The following MYLK4 variants were observed in gnomAD, a reference collection of about 807,000 sequenced individuals.
MYLK4 encodes caMLCK like.
Under a neutral mutation model 48.1 loss-of-function variants are expected in MYLK4, and 46 were observed. The observed-to-expected ratio is 0.96, with a 90% CI of 0.75 to 1.22. The LOEUF is 1.22. Ranked by LOEUF, MYLK4 falls within the 50% of genes most tolerant of loss-of-function variation. The probability of loss-of-function intolerance (pLI) is 0.00; values close to 1 mark genes in which losing one functional copy is unlikely to be tolerated. For missense variants in MYLK4, 451 were observed against 486.1 expected (o/e 0.93, Z 0.68); for synonymous variants, 170 against 180.8 (o/e 0.94, Z 0.48).
intron 2 of MYLK4, among the ~76,000 whole-genome samples, chr6:2,747,468 C>T (rs1326473023): frequency 6.6e-6 from 1 of 152,106 alleles, no homozygotes; most frequent in Non-Finnish European, 1.5e-5. Flanking sequence ...GCCTCAGCCT[C>T]CCAAGTAGCT....
chr6:2,765,299 A>C, the MYLK4 span: 1 of 176,310 alleles, frequency 5.7e-6, no homozygotes. Context: ...CGCGCGAGGT[A>C]TTCTCGGCGG....
At chr6:2,715,453 A>T (rs1582086331) in intron 2 of MYLK4, among the ~76,000 whole-genome samples, 1 of 152,174 alleles carries the variant, frequency 6.6e-6, no homozygotes, top group East Asian at 1.9e-4. Context: ...AGCCAATTTC[A>T]TCTATGTTGC....
the MYLK4 span, chr6:2,766,075 C>T: frequency 3.6e-3 from 4,727 of 1,295,530 alleles, 152 homozygotes; most frequent in African/African-American, 0.065. Flanking sequence ...CGGCGGGGAG[C>T]GCGTCTCCGC....
the MYLK4 span, chr6:2,766,178 C>A: frequency 7.3e-7 from 1 of 1,370,960 alleles, no homozygotes; most frequent in South Asian, 1.8e-5. Flanking sequence ...CGAGGACGAC[C>A]CGGGGCACTG....
At chr6:2,734,365 C>T (rs930381477) in intron 2 of MYLK4, among the ~76,000 whole-genome samples, 13 of 152,190 alleles carry the variant, frequency 8.5e-5, no homozygotes, top group African/African-American at 3.1e-4. Context: ...GGAACTGAGA[C>T]CTGTCCTCCA....
intron 2 of MYLK4, chr6:2,744,286 G>A (rs1486778049): frequency 2.9e-6 from 1 of 339,716 alleles, no homozygotes; most frequent in Non-Finnish European, 5.3e-6. Flanking sequence ...TAGGGGCATT[G>A]GGAGACTGCT....
In MYLK4 at chr6:2,685,251, G is replaced by C. The variant is rs746224511; in HGVS notation, c.545+45C>G. 6 of 1,427,428 alleles carry C rather than the reference G, an allele frequency of 4.2e-6. No individual in the cohort carries two copies. The highest frequency in any genetic ancestry group is 2.4e-4 in the Middle Eastern group (1 of 4,236). The allele number at this position is 1,427,428 out of a possible 1,614,324, so 88.4% of individuals were successfully genotyped here. A position where few individuals can be genotyped will look rare whatever the true frequency, so the allele number is the denominator to read the frequency against. On this transcript the variant is annotated intron_variant, in intron 6 of 12. Transcript: ENST00000274643. The surrounding 1 kb of genome is among the most constrained non-coding windows in gnomAD (Gnocchi z 4.5). ...GCTACTGAGGCACGGTCACGGTCAT[G>C]AGTGCCCTTGGGGAGGTCAGGGAGG...
intron 7 of MYLK4, among the ~76,000 whole-genome samples, chr6:2,682,201 T>C (rs1258351204): frequency 1.3e-5 from 2 of 152,228 alleles, no homozygotes; most frequent in African/African-American, 2.4e-5. Context: ...GTATATTTTA[T>C]GTTACTGTCA....
chr6:2,680,805 C>T (rs1761271388), intron 7 of MYLK4, among the ~76,000 whole-genome samples: 1 of 152,200 alleles, frequency 6.6e-6, no homozygotes, highest in African/African-American at 2.4e-5. Context: ...GGGAAAGTCG[C>T]ACGGCAGAGG....
the MYLK4 span, among the ~76,000 whole-genome samples, chr6:2,766,876 AT>A: frequency 6.6e-6 from 1 of 152,218 alleles, no homozygotes. Context: ...TTTGAAAAAA[AT>A]CAAATTAATT....
chr6:2,704,720 T>C (rs898278241), intron 2 of MYLK4, among the ~76,000 whole-genome samples: 2 of 152,218 alleles, frequency 1.3e-5, no homozygotes, highest in African/African-American at 4.8e-5. Flanking sequence ...GGAAACTAAT[T>C]TTTCCAGAAG....
rs77084491 is a variant in MYLK4, at chr6:2,669,204, G to A, written c.*26-1305C>T. 6.5e-3 allele frequency among the ~76,000 whole-genome samples: 991 copies of A among 152,358 alleles called. 11 individuals carry two copies. Among genetic ancestry groups the A allele is most frequent in the African/African-American group, 0.023 (952 of 41,580 alleles). On this transcript the variant is annotated intron_variant, in intron 12 of 12. Coordinates refer to ENST00000274643, the MANE Select transcript of MYLK4 (RefSeq NM_001012418.5). ...AGGCCAAATGGGGCTGAAGAGTGCA[G>A]GAAAGGAAGGCAGCCAGCTCCATGG...
the MYLK4 span, chr6:2,765,915 A>C: frequency 6.9e-7 from 1 of 1,454,616 alleles, no homozygotes; most frequent in Non-Finnish European, 9.0e-7. Context: ...GAGGGTGAGG[A>C]GGGCGACGAC....
intron 3 of MYLK4, 94 bp downstream of exon 3, chr6:2,692,690 G>A: frequency 9.4e-7 from 1 of 1,068,954 alleles, no homozygotes. Context: ...CCTGCACAGG[G>A]CTTTATGAAT....
At chr6:2,696,363 A>T (rs1762060819) in intron 2 of MYLK4, among the ~76,000 whole-genome samples, 1 of 152,252 alleles carries the variant, frequency 6.6e-6, no homozygotes. Context: ...ACACAAATTC[A>T]TATATTAAAA....
At position 2,685,397 on chromosome 6, in the gene MYLK4, C is replaced by T. The variant is rs769964163; in HGVS notation, c.444G>A (p.Val148=). The T allele has an allele frequency of 5.0e-6, 8 of 1,613,418 alleles. No individual in the cohort carries two copies. Among genetic ancestry groups the T allele is most frequent in the Non-Finnish European group, 5.9e-6 (7 of 1,179,644 alleles). ...GGTTCATGACGCTGATCTCGTTCTT[C>T]ACCTCCTCCTGAGAAGCAGGAAACA... ...KTRGMKDKEE[V]KNEISVMNQL... is the part of the protein sequence containing the mutation. The change falls in exon 6 of 13, where the codon GTG becomes GTA. Residue 148 remains valine, a synonymous_variant. Transcript: ENST00000274643. This position sits in a 1 kb window ranked among gnomAD's most constrained non-coding sequence, Gnocchi z 4.5.
Position 2,680,220 on chromosome 6 carries a change from C to A in MYLK4, c.758+1G>T, listed in dbSNP as rs769634270. The A allele has an allele frequency of 1.2e-6, 2 of 1,614,132 alleles. No homozygotes were observed. Among genetic ancestry groups the A allele is most frequent in the Non-Finnish European group, 8.5e-7 (1 of 1,180,000 alleles). ...GTACACCTATGTCCAAATAGACATA[C>A]CTTCTGGCCAATCCAAAATCAATAA... On this transcript the variant is annotated splice_donor_variant, in intron 8 of 12. Coordinates refer to ENST00000274643, the MANE Select transcript of MYLK4 (RefSeq NM_001012418.5). LOFTEE classifies it high-confidence loss of function.
chr6:2,698,247 G>A (rs72831538), intron 2 of MYLK4, among the ~76,000 whole-genome samples: 15,445 of 152,278 alleles, frequency 0.1, 862 homozygotes, highest in Non-Finnish European at 0.12. Context: ...GCAGGTAGAT[G>A]TTAGAGGTCG....
intron 2 of MYLK4, among the ~76,000 whole-genome samples, chr6:2,729,548 T>A (rs1763403198): frequency 2.0e-5 from 3 of 152,244 alleles, no homozygotes; most frequent in Admixed American, 2.0e-4. Context: ...ATTTTTTCCC[T>A]TAGTTCCCCA....
Sources: allele counts gnomAD v4.1 joint callset (sites outside exome capture counted in the v4.1 genomes callset), GRCh38; gene constraint gnomAD v4.1.1; non-coding constraint Gnocchi (gnomAD v3.1); transcripts MANE v1.5; gene names NCBI Gene and HGNC (gene_info 2026-07-23, HGNC 2026-07-21).